The following ADNP variants were observed in gnomAD, a reference collection of about 807,000 sequenced individuals.
The protein encoded by ADNP is activity-dependent neuroprotector homeobox protein.
Under a neutral mutation model 84.9 loss-of-function variants are expected in ADNP, and 4 were observed. The ratio of observed to expected loss-of-function variants is 0.05; its 90% CI spans 0.02 to 0.11. ADNP has a LOEUF of 0.11. Among genes scored for constraint, ADNP ranks in the 10% least tolerant of loss-of-function variants. The probability of loss-of-function intolerance (pLI) is 1.00; values close to 1 mark genes in which losing one functional copy is unlikely to be tolerated. For missense variants in ADNP, 1,132 were observed against 1,326.0 expected, an observed-to-expected ratio of 0.85 and a Z score of 2.27; for synonymous variants, 554 against 468.1, an observed-to-expected ratio of 1.18 and a Z score of -2.37.
intron 2 of ADNP, chr20:50,914,168 C>G (rs1235040819): frequency 1.8e-5 from 14 of 783,622 alleles, no homozygotes; most frequent in Non-Finnish European, 3.1e-5. Context: ...CAGGCCACAG[C>G]CAAGGGTAAC....
Position 50,890,203 on chromosome 20 carries a change from C to G in ADNP, c.*1202G>C, listed in dbSNP as rs1035143771. 1 of 221,506 alleles carries G rather than the reference C, an allele frequency of 4.5e-6. No individual in the cohort carries two copies. The highest frequency in any genetic ancestry group is 8.4e-6 in the Non-Finnish European group (1 of 118,998). The allele number at this position is 221,506 out of a possible 1,614,324, so 13.7% of individuals were successfully genotyped here. A position where few individuals can be genotyped will look rare whatever the true frequency, so the allele number is the denominator to read the frequency against. Reference sequence around the variant, plus strand: ...ACCAGGTGCCTCAAGAGAAAGCATTCTATTTGCAGATGACAGATCTTGGGT... The same window carrying G: ...ACCAGGTGCCTCAAGAGAAAGCATTGTATTTGCAGATGACAGATCTTGGGT... On this transcript the variant is annotated 3_prime_UTR_variant, in exon 6 of 6. Transcript: ENST00000621696.
In ADNP at chr20:50,891,336, G is replaced by T; in HGVS notation, c.*69C>A. 1 of 1,485,680 alleles carries T rather than the reference G, an allele frequency of 6.7e-7. No individual in the cohort carries two copies. The allele number at this position is 1,485,680 out of a possible 1,614,324, so 92.0% of individuals were successfully genotyped here. The stretch of plus-strand genomic sequence containing the variant: ...ACAAGGCAGTACCAGTGAGAAGACA[G>T]CTTTGCAGTCACACTGGATATCAGA... On this transcript the variant is annotated 3_prime_UTR_variant, in exon 6 of 6. Transcript: ENST00000621696.
chr20:50,895,551 T>TA (rs894309118), intron 5 of ADNP, among the ~76,000 whole-genome samples: 12 of 150,880 alleles, frequency 8.0e-5, no homozygotes, highest in South Asian at 6.3e-4. Context: ...CAAGTTTTAC[T>TA]AAAAAAAAAA....
At chr20:50,908,015 C>G (rs187942436) in intron 2 of ADNP, among the ~76,000 whole-genome samples, 7 of 152,274 alleles carry the variant, frequency 4.6e-5, no homozygotes, top group African/African-American at 1.7e-4. Flanking sequence ...CATAATCTCC[C>G]TTTCTCCAGA....
In ADNP at chr20:50,891,840, G is replaced by A; in HGVS notation, c.2874C>T (p.Asp958=). ...CTTTCCACTCAACAACATCGTCTTG[G>A]TCAACCTCACTATCAGATGCATTGT... ...LMHNASDSEV[D]QDDVVEWKDG... The change falls in exon 6 of 6, where the codon GAC becomes GAT. Residue 958 remains aspartate, a synonymous_variant. Transcript: ENST00000621696. 6.2e-7 allele frequency: 1 copy of A among 1,614,144 alleles called. No individual in the cohort carries two copies. Among genetic ancestry groups the A allele is most frequent in the Non-Finnish European group, 8.5e-7 (1 of 1,180,024 alleles).
chr20:50,919,300 T>TAC (rs1600987973), intron 2 of ADNP, among the ~76,000 whole-genome samples: 2 of 136,030 alleles, frequency 1.5e-5, no homozygotes, highest in African/African-American at 6.2e-5. Context: ...TGTATATATA[T>TAC]ATATATATAT....
At chr20:50,922,577 CG>C in intron 2 of ADNP, among the ~76,000 whole-genome samples, 1 of 112,824 alleles carries the variant, frequency 8.9e-6, no homozygotes, top group African/African-American at 4.6e-5. Context: ...AGTCCTCCTG[CG>C]TTTTTTTTTT....
intron 2 of ADNP, among the ~76,000 whole-genome samples, chr20:50,918,238 A>G (rs750037118): frequency 2.6e-5 from 4 of 152,212 alleles, no homozygotes; most frequent in Non-Finnish European, 5.9e-5. Context: ...AAGTCTGCTT[A>G]TAATTTCAAC....
At position 50,892,496 on chromosome 20, in the gene ADNP, T is replaced by C; in HGVS notation, c.2218A>G (p.Ser740Gly). 1.2e-6 allele frequency: 2 copies of C among 1,614,214 alleles called. No homozygotes were observed. The highest frequency in any genetic ancestry group is 4.5e-5 in the East Asian group (2 of 44,876). ...TCTTCAGGCTTCTCTTCAAAGAAGC[T>C]GGGTGAATCACTATCATCATCTAAC... is the stretch of plus-strand genomic sequence containing the variant. The part of the protein sequence containing the change: ...RKLDDDSDSP[S>G]FFEEKPEEPV... The change falls in exon 6 of 6, where the codon AGC becomes GGC. Residue 740 changes from serine to glycine, a missense_variant. Physicochemically the swap from Ser to Gly is moderately conservative, Grantham distance 56 (BLOSUM62 0). This residue lies in a region of ADNP where 101 missense variants were observed against 78.5 expected (regional missense o/e 1.29). Coordinates refer to ENST00000621696, the MANE Select transcript of ADNP (RefSeq NM_001282531.3).
intron 2 of ADNP, among the ~76,000 whole-genome samples, chr20:50,914,596 C>T (rs975451373): frequency 6.6e-6 from 1 of 152,198 alleles, no homozygotes; most frequent in African/African-American, 2.4e-5. Context: ...TAACTGCTGA[C>T]TGTTCTACTG....
intron 2 of ADNP, chr20:50,909,825 A>G (rs979479263): frequency 6.6e-6 from 1 of 152,224 alleles, no homozygotes; most frequent in African/African-American, 2.4e-5. Flanking sequence ...GTAGAGTTGG[A>G]CATGTCCCCC....
At chr20:50,913,819 C>A in intron 2 of ADNP, 1 of 500,914 alleles carries the variant, frequency 2.0e-6, no homozygotes, top group Non-Finnish European at 3.8e-6. Context: ...GCCAATAAAC[C>A]CCTGGCTATG....
intron 5 of ADNP, among the ~76,000 whole-genome samples, chr20:50,900,454 T>C (rs577654949): frequency 4.3e-4 from 66 of 152,316 alleles, no homozygotes; most frequent in African/African-American, 1.6e-3. Context: ...ACGACGGTAT[T>C]ATACGCTGTA....
rs1182575823 is a variant in ADNP, at chr20:50,891,154, G to A, written c.*251C>T. On this transcript the variant is annotated 3_prime_UTR_variant, in exon 6 of 6. Transcript: ENST00000621696. ...ATAAAATAAACCTCTGCTTTTCCTC[G>A]TGTGTATTCATGAGTCACCAGCTTA... 1 of 1,265,702 alleles carries A rather than the reference G, an allele frequency of 7.9e-7. No individual in the cohort carries two copies. Among genetic ancestry groups the A allele is most frequent in the Middle Eastern group, 3.0e-4 (1 of 3,328 alleles). 78.4% of individuals were successfully genotyped at this position (1,265,702 alleles called of 1,614,324 possible). A position where few individuals can be genotyped will look rare whatever the true frequency, so the allele number is the denominator to read the frequency against.
chr20:50,901,855 T>C (rs1433776944), intron 5 of ADNP, among the ~76,000 whole-genome samples, 162 bp downstream of exon 5: 1 of 152,226 alleles, frequency 6.6e-6, no homozygotes. Context: ...ACAAAAAGTT[T>C]TTCTTAGTCT....
chr20:50,891,442 C>G lies in ADNP; in HGVS notation c.3272G>C (p.Ser1091Thr), dbSNP rs1222606475. 1 of 1,611,770 alleles carries G rather than the reference C, an allele frequency of 6.2e-7. No individual in the cohort carries two copies. Among genetic ancestry groups the G allele is most frequent in the Non-Finnish European group, 8.5e-7 (1 of 1,179,578 alleles). The stretch of plus-strand genomic sequence containing the variant: ...GCTGCTCAGTTTAACTCCGGCTAAG[C>G]TGCCATGCATGGGCTCAGCTACTCC... ...TDGVAEPMHGSLAGVKLSSQQ... is the reference protein window; with the variant it reads ...TDGVAEPMHGTLAGVKLSSQQ... The change falls in exon 6 of 6, where the codon AGC becomes ACC. Residue 1091 changes from serine (S) to threonine (T), a missense_variant. By Grantham distance (58) the Ser-to-Thr change is moderately conservative. This residue lies in a region of ADNP where 381 missense variants were observed against 319.9 expected (regional missense o/e 1.19). Coordinates refer to ENST00000621696, the MANE Select transcript of ADNP (RefSeq NM_001282531.3).
Position 50,890,034 on chromosome 20 carries a change from A to AT in ADNP, c.*1370dup, listed in dbSNP as rs11299078. ...CAAATTAATGCCAATCCATGTTTACATTTTTTTTTTTATCATTGAGACATT... is the reference window on the plus strand; with the variant it reads ...CAAATTAATGCCAATCCATGTTTACATTTTTTTTTTTTATCATTGAGACATT... On this transcript the variant is annotated 3_prime_UTR_variant, in exon 6 of 6. Transcript: ENST00000621696. 0.015 allele frequency: 4,896 copies of AT among 334,452 alleles called. 22 individuals carry two copies. The highest frequency in any genetic ancestry group is 0.081 in the South Asian group (510 of 6,314). 20.7% of individuals were successfully genotyped at this position (334,452 alleles called of 1,614,324 possible).
intron 2 of ADNP, chr20:50,914,118 T>C (rs1983312664): frequency 1.3e-6 from 1 of 766,778 alleles, no homozygotes; most frequent in Admixed American, 2.0e-5. Flanking sequence ...GTGGGGCTAA[T>C]CCAGATGGTA....
rs148125240 is a variant in ADNP, at chr20:50,901,733, G to A, written c.201+284C>T. Among the ~76,000 whole-genome samples, 350 of 152,290 alleles carry A rather than the reference G, an allele frequency of 2.3e-3. 1 individual carries two copies. The highest frequency in any genetic ancestry group is 8.1e-3 in the African/African-American group (335 of 41,570). The stretch of plus-strand genomic sequence containing the variant: ...ATGGCAACACAGATGCAGAAAAATA[G>A]AGCCAGAGCACTTTTAGGGGAAATG... On this transcript the variant is annotated intron_variant, in intron 5 of 5. Transcript: ENST00000621696.
Sources: allele counts gnomAD v4.1 joint callset (sites outside exome capture counted in the v4.1 genomes callset), GRCh38; gene constraint gnomAD v4.1.1; regional missense constraint gnomAD v4.1.1; transcripts MANE v1.5; gene names NCBI Gene and HGNC (gene_info 2026-07-23, HGNC 2026-07-21).